The following SPATS2 variants were observed in gnomAD, a reference collection of about 807,000 sequenced individuals.
The protein encoded by SPATS2 is spermatogenesis-associated serine-rich protein 2.
Under a neutral mutation model 63.7 loss-of-function variants are expected in SPATS2, and 38 were observed. The observed-to-expected ratio is 0.60, with a 90% CI of 0.46 to 0.78. The LOEUF is 0.78. Ranked by LOEUF, SPATS2 falls within the 30% of genes least tolerant of loss-of-function variation. The pLI, the probability that SPATS2 is intolerant of heterozygous loss-of-function variation, is 0.00. For synonymous variants in SPATS2, 207 were observed against 232.9 expected (o/e 0.89, Z 1.01); for missense variants, 588 against 666.2 (o/e 0.88, Z 1.29).
chr12:49,418,523 C>T (rs1944929848), intron 2 of SPATS2, among the ~76,000 whole-genome samples: 1 of 152,148 alleles, frequency 6.6e-6, no homozygotes, highest in Non-Finnish European at 1.5e-5. Flanking sequence ...TGGTCTCAAA[C>T]TCCTGACCTC....
intron 2 of SPATS2, among the ~76,000 whole-genome samples, chr12:49,433,388 C>A (rs1945219789): frequency 6.6e-6 from 1 of 152,220 alleles, no homozygotes; most frequent in Non-Finnish European, 1.5e-5. Flanking sequence ...GTCTCGAACT[C>A]CTGACCTCAA....
rs950304350 is a variant in SPATS2 at position 49,456,723 on chromosome 12, T to C, written c.-243-4047T>C. 3.9e-5 allele frequency among the ~76,000 whole-genome samples: 6 copies of C among 152,222 alleles called. No homozygotes were observed. The South Asian group carries it at 1.0e-3, about 26-fold the overall frequency. On this transcript the variant is annotated intron_variant, in intron 2 of 13. Coordinates refer to ENST00000552918, the MANE Select transcript of SPATS2 (RefSeq NM_023071.4). The stretch of plus-strand genomic sequence containing the variant: ...AAAGGTAGAACACATGGGATTCTTC[T>C]GATGGATTGGAGGTGGTGGGGAATG...
At chr12:49,415,369 T>C (rs979419347) in intron 2 of SPATS2, among the ~76,000 whole-genome samples, 1 of 152,222 alleles carries the variant, frequency 6.6e-6, no homozygotes, top group Non-Finnish European at 1.5e-5. Context: ...ATTTGAGAAA[T>C]GTTTGCTATA....
At chr12:49,400,218 C>T (rs1488578031) in intron 2 of SPATS2, among the ~76,000 whole-genome samples, 1 of 151,740 alleles carries the variant, frequency 6.6e-6, no homozygotes, top group Admixed American at 6.6e-5. Context: ...AAAAATTGAC[C>T]ATCAGATTTA....
intron 2 of SPATS2, among the ~76,000 whole-genome samples, chr12:49,372,099 G>A (rs1866066920): frequency 6.6e-6 from 1 of 152,026 alleles, no homozygotes; most frequent in African/African-American, 2.4e-5. Context: ...AGGCTGGAGT[G>A]CAGTGGCACG....
intron 2 of SPATS2, among the ~76,000 whole-genome samples, chr12:49,414,500 C>T (rs1944851386): frequency 6.6e-6 from 1 of 152,046 alleles, no homozygotes; most frequent in South Asian, 2.1e-4. Flanking sequence ...TTTATCTGGT[C>T]CTTTGCAGAA....
At chr12:49,417,177 A>C (rs913935812) in intron 2 of SPATS2, among the ~76,000 whole-genome samples, 1 of 152,244 alleles carries the variant, frequency 6.6e-6, no homozygotes, top group Non-Finnish European at 1.5e-5. Context: ...GAGTAGGCTT[A>C]ATGATGCTTC....
chr12:49,508,274 A>G (rs1946686349), intron 9 of SPATS2, among the ~76,000 whole-genome samples: 1 of 151,784 alleles, frequency 6.6e-6, no homozygotes, highest in Non-Finnish European at 1.5e-5. Flanking sequence ...GTGGCGCAAT[A>G]TCGGTTCACT....
At chr12:49,416,212 G>A (rs1181074921) in intron 2 of SPATS2, among the ~76,000 whole-genome samples, 1 of 152,114 alleles carries the variant, frequency 6.6e-6, no homozygotes, top group Non-Finnish European at 1.5e-5. Flanking sequence ...TGAAGGTGCA[G>A]TCAGGTCATA....
intron 2 of SPATS2, among the ~76,000 whole-genome samples, chr12:49,404,761 C>T (rs1344703866): frequency 6.6e-6 from 1 of 152,136 alleles, no homozygotes; most frequent in African/African-American, 2.4e-5. Flanking sequence ...TGTCTTCATC[C>T]CCAACATTCC....
chr12:49,491,281 G>A (rs1290927394), intron 6 of SPATS2: 1 of 152,362 alleles, frequency 6.6e-6, no homozygotes, highest in Non-Finnish European at 1.5e-5. Context: ...GAAAAAGACA[G>A]CAAATCAAGG....
At chr12:49,422,269 C>T (rs955218578) in intron 2 of SPATS2, among the ~76,000 whole-genome samples, 7 of 152,184 alleles carry the variant, frequency 4.6e-5, no homozygotes, top group African/African-American at 1.7e-4. Context: ...TCGCAAACCT[C>T]AAGTTCTTCA....
Position 49,377,223 on chromosome 12 carries a change from A to C in SPATS2, c.-244+5933A>C, listed in dbSNP as rs113642841. 7.5e-3 allele frequency among the ~76,000 whole-genome samples: 1,148 copies of C among 152,214 alleles called. 9 individuals are homozygous for C. Among genetic ancestry groups the C allele is most frequent in the African/African-American group, 0.026 (1,081 of 41,520 alleles). On this transcript the variant is annotated intron_variant, in intron 2 of 13. Coordinates refer to ENST00000552918, the MANE Select transcript of SPATS2 (RefSeq NM_023071.4). Reference sequence around the variant, plus strand: ...TTGTATCTAGGAATTTTAAAAGTTGATATTTGGCATTTGTCATTAGCCTAC... The same window carrying C: ...TTGTATCTAGGAATTTTAAAAGTTGCTATTTGGCATTTGTCATTAGCCTAC...
chr12:49,482,420 G>A (rs1332622906), intron 3 of SPATS2, among the ~76,000 whole-genome samples: 1 of 152,104 alleles, frequency 6.6e-6, no homozygotes, highest in Non-Finnish European at 1.5e-5. Context: ...GTCTGATGGC[G>A]CTTTCTATAC....
intron 2 of SPATS2, among the ~76,000 whole-genome samples, chr12:49,382,735 G>A (rs568158134): frequency 1.3e-5 from 2 of 152,182 alleles, no homozygotes; most frequent in Non-Finnish European, 2.9e-5. Context: ...ACAGAGTTTC[G>A]CTCTTGTTGC....
At chr12:49,389,058 C>A (rs1437492382) in intron 2 of SPATS2, among the ~76,000 whole-genome samples, 1 of 152,080 alleles carries the variant, frequency 6.6e-6, no homozygotes, top group African/African-American at 2.4e-5. Flanking sequence ...GTTGAACATT[C>A]TATTTCTCTG....
intron 2 of SPATS2, among the ~76,000 whole-genome samples, chr12:49,429,188 T>C (rs1592386288): frequency 6.6e-6 from 1 of 152,214 alleles, no homozygotes; most frequent in Admixed American, 6.5e-5. Flanking sequence ...ATCATGTGGC[T>C]TCTGATTTCC....
chr12:49,476,622 G>A (rs1055355046), intron 3 of SPATS2, among the ~76,000 whole-genome samples: 4 of 152,266 alleles, frequency 2.6e-5, no homozygotes, highest in Non-Finnish European at 5.9e-5. Context: ...CTGCCTGTCC[G>A]TATGCTCCCC....
chr12:49,495,130 CTTTTTAG>C, intron 7 of SPATS2, 128 bp downstream of exon 7: 1 of 1,017,400 alleles, frequency 9.8e-7, no homozygotes, highest in Non-Finnish European at 1.3e-6. Flanking sequence ...AGTCTTTTTA[CTTTTTAG>C]TTTTTGTTAC....
Sources: allele counts gnomAD v4.1 joint callset (sites outside exome capture counted in the v4.1 genomes callset), GRCh38; gene constraint gnomAD v4.1.1; transcripts MANE v1.5; gene names NCBI Gene and HGNC (gene_info 2026-07-23, HGNC 2026-07-21).